ITLN2: variants seen among roughly 807,000 people sequenced by gnomAD.
ITLN2 encodes intelectin 2.
In ITLN2, 29 loss-of-function variants were observed where a neutral mutation model predicts 39.4. The ratio of observed to expected loss-of-function variants is 0.74; its 90% confidence interval spans 0.55 to 1.00. The LOEUF is 1.00. ITLN2 is among the 50% of genes least tolerant of loss of function. The pLI, the probability that ITLN2 is intolerant of heterozygous loss-of-function variation, is 0.00. For missense variants in ITLN2, 412 were observed against 416.7 expected (o/e 0.99, Z 0.10); for synonymous variants, 156 against 153.4 (o/e 1.02, Z -0.12).
chr1:160,953,883 T>C (rs934924057), intron 2 of ITLN2, among the ~76,000 whole-genome samples: 5 of 152,196 alleles, frequency 3.3e-5, no homozygotes, highest in African/African-American at 9.7e-5. Flanking sequence ...ATGTGCTTTT[T>C]TTAACTGATG....
chr1:160,953,222 GAGCCC>G (rs146401067), intron 2 of ITLN2, among the ~76,000 whole-genome samples: 17,954 of 152,064 alleles, frequency 0.12, 1,275 homozygotes, highest in Non-Finnish European at 0.17. Flanking sequence ...AGCAATAACA[GAGCCC>G]AGCCCAGCCC....
Position 160,954,398 on chromosome 1 carries a change from C to CCACT in ITLN2, c.64_67dup (p.Gly23GlufsTer12). ...CAGAAGCCATTTACCTGCACTGCAC[C>CCACT]CACTGGTGGCCACAGAGAAGAATAA... On this transcript the variant is annotated frameshift_variant, in exon 2 of 8. Transcript: ENST00000368029. LOFTEE classifies it high-confidence loss of function. 9 of 1,574,384 alleles carry CCACT rather than the reference C, an allele frequency of 5.7e-6. No individual in the cohort carries two copies. The highest frequency in any genetic ancestry group is 7.8e-6 in the Non-Finnish European group (9 of 1,158,240).
chr1:160,948,080 T>G (rs1173586291), intron 6 of ITLN2, 48 bp from the exon 7 acceptor site: 3 of 1,476,082 alleles, frequency 2.0e-6, no homozygotes, highest in Non-Finnish European at 2.8e-6. Flanking sequence ...AAGGATGAAC[T>G]AGAAGCAGCA....
chr1:160,949,890 T>A, intron 6 of ITLN2, 156 bp downstream of exon 6: 1 of 660,436 alleles, frequency 1.5e-6, no homozygotes, highest in Non-Finnish European at 2.5e-6. Flanking sequence ...CTCATGGTAA[T>A]TAAATGACAC....
At position 160,945,050 on chromosome 1, in the gene ITLN2, C is replaced by A; in HGVS notation, c.*90G>T. ...TTGCAAATTGATGTGATTTAGTCTC[C>A]TCTCCTCCTTGTTAGAATTCCAGTT... On this transcript the variant is annotated 3_prime_UTR_variant, in exon 8 of 8. Coordinates refer to ENST00000368029, the MANE Select transcript of ITLN2 (RefSeq NM_080878.3). 8.4e-7 allele frequency: 1 copy of A among 1,192,210 alleles called. No individual in the cohort carries two copies. The allele number at this position is 1,192,210 out of a possible 1,614,324, so 73.9% of individuals were successfully genotyped here.
rs1671735009 is a variant in ITLN2, at chr1:160,951,199, G to T, written c.285C>A (p.Ala95=). 6.2e-7 allele frequency: 1 copy of T among 1,613,928 alleles called. No individual in the cohort carries two copies. Among genetic ancestry groups the T allele is most frequent in the South Asian group, 1.1e-5 (1 of 91,074 alleles). ...CACGCATGTCATTCTCGTGCACGCTGGCCACCAGGGTCCAGCCGCCACCCC... is the reference window on the plus strand; with the variant it reads ...CACGCATGTCATTCTCGTGCACGCTTGCCACCAGGGTCCAGCCGCCACCCC... ...TSGGGGWTLV[A]SVHENDMRGK... is the part of the protein sequence containing the mutation. Residue 95 remains alanine (A), a synonymous_variant, in exon 4 of 8, where the codon GCC becomes GCA. Coordinates refer to ENST00000368029, the MANE Select transcript of ITLN2 (RefSeq NM_080878.3).
chr1:160,948,475 T>C lies in ITLN2; in HGVS notation c.722-443A>G, dbSNP rs139958655. Reference sequence around the variant, plus strand: ...TCAAAATATCAAAGGCAAACAGTGATGTCTTTGATTTTTTTATCCACAACT... The same window carrying C: ...TCAAAATATCAAAGGCAAACAGTGACGTCTTTGATTTTTTTATCCACAACT... On this transcript the variant is annotated intron_variant, in intron 6 of 7. Transcript: ENST00000368029. Among the ~76,000 whole-genome samples the C allele has an allele frequency of 7.4e-3, 1,126 of 152,292 alleles. 15 individuals carry two copies. The highest frequency in any genetic ancestry group is 0.026 in the African/African-American group (1,061 of 41,546).
chr1:160,950,605 G>C lies in ITLN2; in HGVS notation c.548C>G (p.Thr183Ser), dbSNP rs144515661. The change falls in exon 5 of 8, where the codon ACC becomes AGC. Residue 183 changes from threonine (T) to serine (S), a missense_variant. Physicochemically the swap from Thr to Ser is moderately conservative, Grantham distance 58 (BLOSUM62 1). Coordinates refer to ENST00000368029, the MANE Select transcript of ITLN2 (RefSeq NM_080878.3). ...WRNSALLRYR[T>S]NTGFLQRLGH... ...CAGTCTCTGGAGGAAGCCAGTGTTG[G>C]TGCGGTACCTCAGCAGGGCGCTGTT... 5 of 1,614,124 alleles carry C rather than the reference G, an allele frequency of 3.1e-6. No individual in the cohort carries two copies. The highest frequency in any genetic ancestry group is 4.2e-6 in the Non-Finnish European group (5 of 1,180,048).
At chr1:160,951,465 T>A in intron 3 of ITLN2, 175 bp from the exon 4 acceptor site, 1 of 771,746 alleles carries the variant, frequency 1.3e-6, no homozygotes, top group Non-Finnish European at 2.0e-6. Flanking sequence ...GCAGAGGCAC[T>A]GACTGTCTTG....
chr1:160,947,645 C>T (rs181273084), intron 7 of ITLN2, among the ~76,000 whole-genome samples: 227 of 152,296 alleles, frequency 1.5e-3, no homozygotes, highest in African/African-American at 4.4e-3. Flanking sequence ...TGGAGAATGG[C>T]GATGACTTTT....
chr1:160,946,185 C>T (rs1383767418), intron 7 of ITLN2, among the ~76,000 whole-genome samples: 2 of 150,836 alleles, frequency 1.3e-5, no homozygotes, highest in Non-Finnish European at 2.9e-5. Flanking sequence ...GCAGTGCATT[C>T]CTGTAATCCC....
Position 160,950,646 on chromosome 1 carries a change from G to A in ITLN2, c.507C>T (p.Pro169=), listed in dbSNP as rs754605514. The A allele has an allele frequency of 6.2e-7, 1 of 1,614,220 alleles. No individual in the cohort carries two copies. The highest frequency in any genetic ancestry group is 1.1e-5 in the South Asian group (1 of 91,086). The part of the protein sequence containing the change: ...LGIWHVPNKS[P]MQHWRNSALL... ...GGGCGCTGTTTCTCCAATGCTGCAT[G>A]GGGGACTTGTTGGGCACATGCCAGA... Residue 169 remains proline, a synonymous_variant, in exon 5 of 8, where the codon CCC becomes CCT. Transcript: ENST00000368029.
Position 160,947,993 on chromosome 1 carries a change from T to C in ITLN2, c.761A>G (p.Asn254Ser), listed in dbSNP as rs780936026. ...VAGFVQFRVF[N>S]NERAANALCA... ...AAGGGCGTTGGCTGCTCTCTCGTTATTAAACACCCGGAACTGAACGAATCC... is the reference window on the plus strand; with the variant it reads ...AAGGGCGTTGGCTGCTCTCTCGTTACTAAACACCCGGAACTGAACGAATCC... The change falls in exon 7 of 8, where the codon AAT (asparagine) becomes AGT (serine). Residue 254 changes from asparagine (N) to serine (S), a missense_variant. Physicochemically the swap from Asn to Ser is conservative, Grantham distance 46. Coordinates refer to ENST00000368029, the MANE Select transcript of ITLN2 (RefSeq NM_080878.3). 1.9e-6 allele frequency: 3 copies of C among 1,614,130 alleles called. No homozygotes were observed. The South Asian group carries it at 3.3e-5, about 18-fold the overall frequency.
In ITLN2 at chr1:160,947,478, C is replaced by T. The variant is rs138518886; in HGVS notation, c.825+451G>A. Among the ~76,000 whole-genome samples, 302 of 152,262 alleles carry T rather than the reference C, an allele frequency of 2.0e-3. 2 individuals carry two copies. Among genetic ancestry groups the T allele is most frequent in the African/African-American group, 6.7e-3 (279 of 41,528 alleles). ...ACTCCTCCTCAGCACAGACCCTTTA[C>T]GGGTGTCAGGCTGGGGGATGGTAAG... On this transcript the variant is annotated intron_variant, in intron 7 of 7. Coordinates refer to ENST00000368029, the MANE Select transcript of ITLN2 (RefSeq NM_080878.3).
chr1:160,950,301 G>T, intron 5 of ITLN2, 135 bp from the exon 6 acceptor site: 1 of 1,026,286 alleles, frequency 9.7e-7, no homozygotes, highest in Non-Finnish European at 1.4e-6. Flanking sequence ...CCCCATAGCT[G>T]TGTCTCCCCA....
intron 3 of ITLN2, 49 bp downstream of exon 3, chr1:160,952,571 G>T: frequency 1.5e-6 from 2 of 1,299,876 alleles, no homozygotes; most frequent in Non-Finnish European, 2.2e-6. Context: ...GCTCTGTTGA[G>T]CTAAAAAGTG....
Position 160,954,716 on chromosome 1 carries a change from A to AT in ITLN2, c.15+10dup. 1.2e-6 allele frequency: 2 copies of AT among 1,613,938 alleles called. No individual in the cohort carries two copies. Among genetic ancestry groups the AT allele is most frequent in the Non-Finnish European group, 1.7e-6 (2 of 1,179,928 alleles). On this transcript the variant is annotated intron_variant, in intron 1 of 7. Coordinates refer to ENST00000368029, the MANE Select transcript of ITLN2 (RefSeq NM_080878.3). The stretch of plus-strand genomic sequence containing the variant: ...GCTCCCACACACATGGATCAAAAAC[A>AT]TTTTTCTCACCAGCATGGACAGCAT...
intron 1 of ITLN2, 91 bp downstream of exon 1, chr1:160,954,636 G>T: frequency 6.7e-7 from 1 of 1,486,796 alleles, no homozygotes; most frequent in Non-Finnish European, 9.4e-7. Flanking sequence ...GGGGCCATGG[G>T]CTCATTTCCC....
At position 160,952,707 on chromosome 1, in the gene ITLN2, A is replaced by C; in HGVS notation, c.106T>G (p.Ser36Ala). The change falls in exon 3 of 8, where the codon TCG becomes GCG. Residue 36 changes from serine to alanine, a missense_variant. Ser to Ala is a moderately conservative substitution (Grantham distance 99). Coordinates refer to ENST00000368029, the MANE Select transcript of ITLN2 (RefSeq NM_080878.3). ...AAAASSLEML[S>A]REFETCAFSF... Reference sequence around the variant, plus strand: ...AAGGCACAGGTTTCGAATTCCCTCGAGAGCATCTCAAGAGAAGAGGCTGCT... The same window carrying C: ...AAGGCACAGGTTTCGAATTCCCTCGCGAGCATCTCAAGAGAAGAGGCTGCT... 6.2e-7 allele frequency: 1 copy of C among 1,613,986 alleles called. No individual in the cohort carries two copies. Among genetic ancestry groups the C allele is most frequent in the Non-Finnish European group, 8.5e-7 (1 of 1,179,918 alleles).
Sources: gnomAD v4.1 joint callset for allele counts (sites outside exome capture counted in the v4.1 genomes callset) on GRCh38, gnomAD v4.1.1 for gene constraint, MANE v1.5 for transcripts, NCBI Gene and HGNC (gene_info 2026-07-23, HGNC 2026-07-21) for gene names.